The following NBAS variants were observed in gnomAD, a reference collection of about 807,000 sequenced individuals.
NBAS encodes NBAS subunit of NRZ tethering complex.
A neutral mutation model predicts 302.5 loss-of-function variants in NBAS; 219 were observed. The ratio of observed to expected loss-of-function variants is 0.72; its 90% CI spans 0.65 to 0.81. The LOEUF (loss-of-function observed/expected upper bound fraction) is 0.81, where lower values mean the gene tolerates loss of function less well. Among genes scored for constraint, NBAS ranks in the 30% least tolerant of loss-of-function variants. The probability of loss-of-function intolerance (pLI) is 0.00; values close to 1 mark genes in which losing one functional copy is unlikely to be tolerated. For missense variants in NBAS, 2,932 were observed against 2,841.6 expected, an observed-to-expected ratio of 1.03 and a Z score of -0.72; for synonymous variants, 1,118 against 1,021.6, an observed-to-expected ratio of 1.09 and a Z score of -1.80.
chr2:15,487,142 A>C (rs920662336), intron 12 of NBAS, among the ~76,000 whole-genome samples: 1 of 152,224 alleles, frequency 6.6e-6, no homozygotes, highest in African/African-American at 2.4e-5. Context: ...CAAAGTTTTC[A>C]CCATTTAGAA....
At chr2:14,791,897 C>A in the NBAS span, among the ~76,000 whole-genome samples, 1 of 152,088 alleles carries the variant, frequency 6.6e-6, no homozygotes, top group South Asian at 2.1e-4. Context: ...CTAGTCTCAA[C>A]AAGCAGCCTG....
rs13431200 is a variant in NBAS at position 15,190,019 on chromosome 2, C to A, written c.6572+245G>T. Reference sequence around the variant, plus strand: ...GAAACTACATTGTTTTTGTTGACATCATAAATCAGATATTATCAAGCATTG... The same window carrying A: ...GAAACTACATTGTTTTTGTTGACATAATAAATCAGATATTATCAAGCATTG... On this transcript the variant is annotated intron_variant, in intron 49 of 51. Transcript: ENST00000281513. Among the ~76,000 whole-genome samples the A allele has an allele frequency of 5.1e-3, 776 of 152,150 alleles. 8 individuals carry two copies. The highest frequency in any genetic ancestry group is 0.018 in the African/African-American group (742 of 41,502).
At chr2:15,264,709 G>A (rs1191562084) in intron 44 of NBAS, among the ~76,000 whole-genome samples, 1 of 152,088 alleles carries the variant, frequency 6.6e-6, no homozygotes, top group African/African-American at 2.4e-5. Context: ...TAACTTCCTT[G>A]GGACTTAAAT....
At chr2:15,506,679 C>G (rs1470255384) in intron 10 of NBAS, among the ~76,000 whole-genome samples, 3 of 151,904 alleles carry the variant, frequency 2.0e-5, no homozygotes, top group Non-Finnish European at 4.4e-5. Context: ...AAAACTTCAG[C>G]AAAAGAACTG....
chr2:15,203,466 G>A (rs954120173), intron 48 of NBAS, among the ~76,000 whole-genome samples: 1 of 152,178 alleles, frequency 6.6e-6, no homozygotes, highest in Non-Finnish European at 1.5e-5. Context: ...TGTACTTCTA[G>A]AGTTTTAACT....
the NBAS span, among the ~76,000 whole-genome samples, chr2:14,847,803 A>G: frequency 9.8e-5 from 15 of 152,298 alleles, no homozygotes; most frequent in African/African-American, 3.4e-4. Context: ...TTTACACAAC[A>G]TTTCATCCAA....
At chr2:15,391,993 C>T (rs1675628954) in intron 28 of NBAS, among the ~76,000 whole-genome samples, 1 of 144,270 alleles carries the variant, frequency 6.9e-6, no homozygotes, top group African/African-American at 2.6e-5. Context: ...CAAAGATGTA[C>T]AAATGAATCA....
the NBAS span, among the ~76,000 whole-genome samples, chr2:15,120,355 G>C: frequency 6.6e-6 from 1 of 152,116 alleles, no homozygotes. Flanking sequence ...TGCAGCCAAA[G>C]AAACTGATGT....
intron 47 of NBAS, among the ~76,000 whole-genome samples, chr2:15,219,937 G>T (rs552721710): frequency 4.6e-4 from 65 of 140,758 alleles, no homozygotes; most frequent in East Asian, 2.3e-3. Context: ...GGATGGGGCG[G>T]CTGGCCGGGC....
the NBAS span, among the ~76,000 whole-genome samples, chr2:15,021,219 T>C: frequency 6.6e-6 from 1 of 151,904 alleles, no homozygotes; most frequent in Non-Finnish European, 1.5e-5. Flanking sequence ...GGTGACAGAC[T>C]GAGACCCTGA....
At chr2:15,104,812 CTTTT>C in the NBAS span, among the ~76,000 whole-genome samples, 1 of 151,854 alleles carries the variant, frequency 6.6e-6, no homozygotes, top group Non-Finnish European at 1.5e-5. Context: ...TGACGATGAG[CTTTT>C]TTTTAATATG....
chr2:15,466,113 T>G (rs569109221), intron 19 of NBAS, among the ~76,000 whole-genome samples: 1 of 152,328 alleles, frequency 6.6e-6, no homozygotes, highest in South Asian at 2.1e-4. Context: ...CAATGTTTTT[T>G]TAATAACCAC....
chr2:14,895,582 CA>C, the NBAS span, among the ~76,000 whole-genome samples: 4 of 152,002 alleles, frequency 2.6e-5, no homozygotes, highest in African/African-American at 4.8e-5. Flanking sequence ...ACTAAAAATA[CA>C]AAAAAATTAG....
chr2:15,243,143 T>A (rs1384947679), intron 44 of NBAS, among the ~76,000 whole-genome samples: 6 of 152,212 alleles, frequency 3.9e-5, no homozygotes, highest in African/African-American at 1.4e-4. Flanking sequence ...CGGTTCTAAC[T>A]TGTCTCCCAG....
the NBAS span, among the ~76,000 whole-genome samples, chr2:14,816,275 C>A: frequency 1.3e-5 from 2 of 152,222 alleles, no homozygotes; most frequent in African/African-American, 4.8e-5. Flanking sequence ...AGCTCCACCT[C>A]CTGTCAGATT....
chr2:14,907,677 A>G, the NBAS span: 1 of 152,210 alleles, frequency 6.6e-6, no homozygotes, highest in Non-Finnish European at 1.5e-5. Flanking sequence ...TATTTCCTTG[A>G]CTATTTCTTT....
At chr2:15,466,183 G>A (rs765489039) in intron 19 of NBAS, among the ~76,000 whole-genome samples, 7 of 151,988 alleles carry the variant, frequency 4.6e-5, no homozygotes, top group Non-Finnish European at 7.4e-5. Flanking sequence ...TGGGGGAATC[G>A]AAGGCTTTTG....
At chr2:15,127,089 C>T in the NBAS span, among the ~76,000 whole-genome samples, 25 of 152,304 alleles carry the variant, frequency 1.6e-4, 1 homozygote, top group East Asian at 3.9e-3. Flanking sequence ...AAGTCACAGA[C>T]GGCCCCATGC....
At chr2:15,256,276 C>T (rs1668588890) in intron 44 of NBAS, among the ~76,000 whole-genome samples, 1 of 151,812 alleles carries the variant, frequency 6.6e-6, no homozygotes, top group Admixed American at 6.6e-5. Flanking sequence ...CACCTCCTTG[C>T]TTATATTCCT....
Sources: allele counts gnomAD v4.1 joint callset (sites outside exome capture counted in the v4.1 genomes callset), GRCh38; gene constraint gnomAD v4.1.1; transcripts MANE v1.5; gene names NCBI Gene and HGNC (gene_info 2026-07-23, HGNC 2026-07-21).